Variants in PDE1C observed in about 807,000 individuals in gnomAD.
PDE1C encodes the protein dual specificity calcium/calmodulin-dependent 3',5'-cyclic nucleotide phosphodiesterase 1C.
A neutral mutation model predicts 93.1 loss-of-function variants in PDE1C; 62 were observed. The observed-to-expected ratio is 0.67, with a 90% CI of 0.54 to 0.82. The LOEUF is 0.82. PDE1C is among the 40% of genes least tolerant of loss of function. The pLI, the probability that PDE1C is intolerant of heterozygous loss-of-function variation, is 0.00. For synonymous variants in PDE1C, 325 were observed against 310.1 expected (o/e 1.05, Z -0.50); for missense variants, 742 against 884.6 (o/e 0.84, Z 2.04).
At chr7:31,739,250 G>A in the PDE1C span, among the ~76,000 whole-genome samples, 8 of 137,280 alleles carry the variant, frequency 5.8e-5, no homozygotes, top group African/African-American at 2.1e-4. Flanking sequence ...AGCTCTTCTG[G>A]AGCAAATTTT....
the PDE1C span, among the ~76,000 whole-genome samples, chr7:31,741,847 G>A: frequency 6.6e-6 from 1 of 152,192 alleles, no homozygotes; most frequent in Non-Finnish European, 1.5e-5. Flanking sequence ...GGGGAGGGAG[G>A]CAGGGACCAG....
intron 17 of PDE1C, among the ~76,000 whole-genome samples, chr7:31,771,473 A>G (rs1795484106): frequency 6.6e-6 from 1 of 152,162 alleles, no homozygotes; most frequent in Non-Finnish European, 1.5e-5. Context: ...CCTAATGACT[A>G]GCATCTTTCT....
At chr7:31,913,930 C>T (rs891480732) in intron 2 of PDE1C, among the ~76,000 whole-genome samples, 2 of 152,096 alleles carry the variant, frequency 1.3e-5, no homozygotes, top group Non-Finnish European at 2.9e-5. Flanking sequence ...ACCTTCCGCC[C>T]ACATCTCAGG....
chr7:32,150,354 C>T (rs1291446094), intron 3 of PDE1C, among the ~76,000 whole-genome samples: 1 of 152,178 alleles, frequency 6.6e-6, no homozygotes, highest in African/African-American at 2.4e-5. Flanking sequence ...TTGCATTTGC[C>T]AGCCCAAAGG....
At chr7:31,831,476 G>GCACACA (rs3842163) in intron 11 of PDE1C, among the ~76,000 whole-genome samples, 269 of 141,144 alleles carry the variant, frequency 1.9e-3, no homozygotes, top group Middle Eastern at 7.0e-3. Flanking sequence ...GGAAGTAAAG[G>GCACACA]CACACACACA....
intron 2 of PDE1C, among the ~76,000 whole-genome samples, chr7:31,887,103 C>T (rs985296191): frequency 2.6e-5 from 4 of 152,092 alleles, no homozygotes; most frequent in African/African-American, 9.7e-5. Flanking sequence ...TCTATGTTTC[C>T]ATTGTAATCA....
intron 6 of PDE1C, among the ~76,000 whole-genome samples, chr7:31,871,121 T>A (rs1284123851): frequency 6.6e-6 from 1 of 151,870 alleles, no homozygotes. Flanking sequence ...ACCAAAAACT[T>A]ACAGAAAGGA....
At chr7:31,893,504 A>C in intron 2 of PDE1C, 3 of 984,618 alleles carry the variant, frequency 3.0e-6, no homozygotes, top group Non-Finnish European at 3.6e-6. Context: ...ACTTGCCAGC[A>C]CCACCTCCCT....
At chr7:31,818,298 G>A (rs1025083554) in intron 14 of PDE1C, among the ~76,000 whole-genome samples, 1 of 152,176 alleles carries the variant, frequency 6.6e-6, no homozygotes, top group East Asian at 1.9e-4. Context: ...TGCAGAAGAA[G>A]ATGGTGAGAT....
chr7:31,936,433 G>A (rs75918816), intron 2 of PDE1C, among the ~76,000 whole-genome samples: 1,435 of 128,528 alleles, frequency 0.011, 17 homozygotes, highest in African/African-American at 0.035. Flanking sequence ...CCAGGGAGAA[G>A]AAAAAAAAAA....
At chr7:32,043,000 T>A (rs1792047952) in intron 2 of PDE1C, among the ~76,000 whole-genome samples, 1 of 152,162 alleles carries the variant, frequency 6.6e-6, no homozygotes, top group Non-Finnish European at 1.5e-5. Flanking sequence ...CAAACACGAT[T>A]CTTAATCTTA....
intron 17 of PDE1C, among the ~76,000 whole-genome samples, chr7:31,756,077 C>CA (rs1471839275): frequency 1.3e-5 from 2 of 152,106 alleles, no homozygotes; most frequent in Non-Finnish European, 2.9e-5. Flanking sequence ...GAGGCTCAGG[C>CA]AGGAGAATCG....
the PDE1C span, among the ~76,000 whole-genome samples, chr7:31,646,721 G>A: frequency 6.6e-6 from 1 of 152,130 alleles, no homozygotes; most frequent in Admixed American, 6.5e-5. Flanking sequence ...AAAACAGGGA[G>A]GTTTTGTGGC....
intron 2 of PDE1C, among the ~76,000 whole-genome samples, chr7:32,185,859 C>T (rs1803812865): frequency 6.6e-6 from 1 of 152,188 alleles, no homozygotes; most frequent in Non-Finnish European, 1.5e-5. Context: ...CTAGTAGCTG[C>T]TGTATTGCAT....
intron 1 of PDE1C, among the ~76,000 whole-genome samples, chr7:32,273,240 C>G (rs997977812): frequency 1.1e-4 from 16 of 152,174 alleles, no homozygotes; most frequent in African/African-American, 3.6e-4. Flanking sequence ...AGAGGGAAGA[C>G]AGTAGTGTTC....
intron 16 of PDE1C, chr7:31,789,879 T>A: frequency 1.9e-6 from 2 of 1,050,672 alleles, no homozygotes; most frequent in Non-Finnish European, 2.3e-6. Context: ...TCTCCCAGCA[T>A]ATCCAGGATG....
intron 16 of PDE1C, among the ~76,000 whole-genome samples, chr7:31,792,337 T>C (rs1044866728): frequency 4.6e-5 from 7 of 152,114 alleles, no homozygotes; most frequent in Non-Finnish European, 1.5e-5. Flanking sequence ...ACACATAGCA[T>C]ATGCTCAACA....
At chr7:31,661,237 T>A in the PDE1C span, among the ~76,000 whole-genome samples, 1 of 152,134 alleles carries the variant, frequency 6.6e-6, no homozygotes, top group South Asian at 2.1e-4. Flanking sequence ...TTTATATATA[T>A]AAAACAATGT....
chr7:32,108,016 AAAAAT>A (rs1280838489), intron 3 of PDE1C, among the ~76,000 whole-genome samples: 1 of 151,618 alleles, frequency 6.6e-6, no homozygotes, highest in African/African-American at 2.4e-5. Flanking sequence ...TACTAAGATA[AAAAAT>A]AAAATAAAAT....
Sources: allele counts gnomAD v4.1 joint callset (sites outside exome capture counted in the v4.1 genomes callset), GRCh38; gene constraint gnomAD v4.1.1; transcripts MANE v1.5; gene names NCBI Gene and HGNC (gene_info 2026-07-23, HGNC 2026-07-21).